The following EBF3 variants were observed in gnomAD, a reference collection of about 807,000 sequenced individuals.
EBF3 encodes the protein transcription factor COE3.
A neutral mutation model predicts 77.1 loss-of-function variants in EBF3; 18 were observed. The observed-to-expected ratio is 0.23, with a 90% CI of 0.16 to 0.35. The LOEUF is 0.35. Among genes scored for constraint, EBF3 ranks in the 10% least tolerant of loss-of-function variants. The pLI, the probability that EBF3 is intolerant of heterozygous loss-of-function variation, is 1.00. For synonymous variants in EBF3, 350 were observed against 343.5 expected (o/e 1.02, Z -0.21); for missense variants, 558 against 860.0 (o/e 0.65, Z 4.39).
chr10:129,932,000 G>C (rs1398990881), intron 6 of EBF3, among the ~76,000 whole-genome samples: 2 of 152,164 alleles, frequency 1.3e-5, no homozygotes, highest in African/African-American at 4.8e-5. Flanking sequence ...GCTATGTCCA[G>C]CCACCCTGGA....
chr10:129,836,354 C>A lies in EBF3; in HGVS notation c.*1589G>T, dbSNP rs868117948. On this transcript the variant is annotated 3_prime_UTR_variant, in exon 17 of 17. Transcript: ENST00000440978. ...ACACAGTTCAGCTATGTGGCAAAGT[C>A]AATGGGTGGCATCTAAAATGACTTT... 3.3e-5 allele frequency: 5 copies of A among 152,414 alleles called. No individual in the cohort carries two copies. The highest frequency in any genetic ancestry group is 3.2e-3 in the Middle Eastern group (1 of 316). 9.4% of individuals were successfully genotyped at this position (152,414 alleles called of 1,614,324 possible). A position where few individuals can be genotyped will look rare whatever the true frequency, so the allele number is the denominator to read the frequency against.
chr10:129,908,139 A>G (rs1855274580), intron 6 of EBF3, among the ~76,000 whole-genome samples: 1 of 152,186 alleles, frequency 6.6e-6, no homozygotes, highest in African/African-American at 2.4e-5. Context: ...GACAGGCCAC[A>G]TGGAGTTAAA....
In EBF3 at chr10:129,944,695, C is replaced by T. The variant is rs931489600; in HGVS notation, c.554+12563G>A. On this transcript the variant is annotated intron_variant, in intron 6 of 16. Transcript: ENST00000440978. This position sits in a 1 kb window ranked among gnomAD's most constrained non-coding sequence, Gnocchi z 5.1. ...TGCTGGTCCACCGAGTATAGTTATA[C>T]GTATGCCCCATGAATCTCATTTTAT... is the stretch of plus-strand genomic sequence containing the variant. Among the ~76,000 whole-genome samples, 11 of 152,156 alleles carry T rather than the reference C, an allele frequency of 7.2e-5. No homozygotes were observed. The highest frequency in any genetic ancestry group is 5.9e-4 in the Admixed American group (9 of 15,282).
chr10:129,844,851 C>G (rs1366226728), intron 11 of EBF3, among the ~76,000 whole-genome samples: 1 of 152,126 alleles, frequency 6.6e-6, no homozygotes, highest in Non-Finnish European at 1.5e-5. Flanking sequence ...CTGAGCAGCT[C>G]TCTGTGAGCA....
At chr10:129,881,362 A>G (rs751897430) in intron 6 of EBF3, among the ~76,000 whole-genome samples, 21 of 152,140 alleles carry the variant, frequency 1.4e-4, no homozygotes, top group South Asian at 6.2e-4. Flanking sequence ...TTATTTCCCT[A>G]AAGAGTCATC....
chr10:129,914,976 T>G (rs1189432132), intron 6 of EBF3, among the ~76,000 whole-genome samples: 7 of 152,170 alleles, frequency 4.6e-5, no homozygotes, highest in Non-Finnish European at 2.9e-5. Flanking sequence ...GAGAACATGC[T>G]TTGCATGGCT....
At chr10:129,904,275 A>C (rs1854980195) in intron 6 of EBF3, among the ~76,000 whole-genome samples, 1 of 152,226 alleles carries the variant, frequency 6.6e-6, no homozygotes, top group South Asian at 2.1e-4. Context: ...AACAACTGTT[A>C]GCTTGCTACA....
chr10:129,865,348 A>T (rs1451060910), intron 10 of EBF3, among the ~76,000 whole-genome samples: 1 of 152,154 alleles, frequency 6.6e-6, no homozygotes, highest in Non-Finnish European at 1.5e-5. Context: ...CCATTGTGAC[A>T]TGTCTTTATT....
At chr10:129,924,173 G>A (rs534513974) in intron 6 of EBF3, among the ~76,000 whole-genome samples, 2 of 152,260 alleles carry the variant, frequency 1.3e-5, no homozygotes, top group East Asian at 3.9e-4. Context: ...TCAGCACTTC[G>A]GGAGGCCAAG....
intron 6 of EBF3, among the ~76,000 whole-genome samples, chr10:129,949,560 T>C (rs1858501618): frequency 6.6e-6 from 1 of 152,174 alleles, no homozygotes; most frequent in South Asian, 2.1e-4. Context: ...GGGGTGACCC[T>C]GCTAGGGATC....
chr10:129,959,752 G>A (rs1273165226), intron 4 of EBF3, among the ~76,000 whole-genome samples: 1 of 151,534 alleles, frequency 6.6e-6, no homozygotes, highest in Non-Finnish European at 1.5e-5. Flanking sequence ...GGAGGCCCAG[G>A]AGCAGCAACC....
chr10:129,926,618 A>G (rs1856692555), intron 6 of EBF3, among the ~76,000 whole-genome samples: 1 of 152,296 alleles, frequency 6.6e-6, no homozygotes, highest in East Asian at 1.9e-4. Context: ...GGCTGGGCAG[A>G]CTGGAGCACC....
At chr10:129,873,427 A>G (rs762305042) in intron 8 of EBF3, 25 bp downstream of exon 8, 17 of 1,487,772 alleles carry the variant, frequency 1.1e-5, no homozygotes, top group Non-Finnish European at 1.5e-5. Flanking sequence ...TCGCAAATAA[A>G]AAAAGACATG....
In EBF3 at chr10:129,870,663, T is replaced by G. The variant is rs1254965368; in HGVS notation, c.782-2751A>C. ...TCTGCCCATCGTGACCCCCGCCGGC[T>G]CTCCCCAGGGCCTGCGGGGACTGGC... On this transcript the variant is annotated intron_variant, in intron 8 of 16. Transcript: ENST00000440978. This position sits in a 1 kb window ranked among gnomAD's most constrained non-coding sequence, Gnocchi z 4.4. Among the ~76,000 whole-genome samples, 1 of 151,770 alleles carries G rather than the reference T, an allele frequency of 6.6e-6. No individual in the cohort carries two copies. Among genetic ancestry groups the G allele is most frequent in the East Asian group, 2.0e-4 (1 of 5,120 alleles).
chr10:129,905,172 T>C (rs1225415313), intron 6 of EBF3, among the ~76,000 whole-genome samples: 2 of 152,190 alleles, frequency 1.3e-5, no homozygotes, highest in African/African-American at 4.8e-5. Context: ...AGTGTAGCTC[T>C]GTCCTGACCT....
At chr10:129,910,262 A>C (rs1344103401) in intron 6 of EBF3, among the ~76,000 whole-genome samples, 1 of 152,242 alleles carries the variant, frequency 6.6e-6, no homozygotes, top group African/African-American at 2.4e-5. Context: ...CTGTACACAT[A>C]CTCAAGTCCC....
intron 6 of EBF3, among the ~76,000 whole-genome samples, chr10:129,939,439 G>A (rs1378341319): frequency 6.6e-6 from 1 of 152,226 alleles, no homozygotes. Context: ...ACTGCCATCA[G>A]CTGAAACACG....
chr10:129,950,269 C>T (rs1028153813), intron 6 of EBF3, among the ~76,000 whole-genome samples: 4 of 152,208 alleles, frequency 2.6e-5, no homozygotes, highest in South Asian at 2.1e-4. Context: ...GCGGCTGCTG[C>T]CCCCACCACC....
chr10:129,889,946 C>CTTTTTT lies in EBF3; in HGVS notation c.555-12103_555-12098dup, dbSNP rs10665456. ...AAATGAGCAAAGCCCATTGAAGTGC[C>CTTTTTT]TTTTTTTTTTTTTTTTTTTTTTTTT... On this transcript the variant is annotated intron_variant, in intron 6 of 16. Coordinates refer to ENST00000440978, the MANE Select transcript of EBF3 (RefSeq NM_001375380.1). Among the ~76,000 whole-genome samples the CTTTTTT allele has an allele frequency of 5.8e-4, 48 of 82,892 alleles. 2 individuals are homozygous for CTTTTTT. Among genetic ancestry groups the CTTTTTT allele is most frequent in the East Asian group, 2.5e-3 (5 of 2,016 alleles). 54.4% of individuals were successfully genotyped at this position (82,892 alleles called of 152,430 possible). A position where few individuals can be genotyped will look rare whatever the true frequency, so the allele number is the denominator to read the frequency against.
Sources: gnomAD v4.1 joint callset for allele counts (sites outside exome capture counted in the v4.1 genomes callset) on GRCh38, gnomAD v4.1.1 for gene constraint, Gnocchi (gnomAD v3.1) non-coding constraint, MANE v1.5 for transcripts, NCBI Gene and HGNC (gene_info 2026-07-23, HGNC 2026-07-21) for gene names.